The following PCDH11X variants were observed in gnomAD, a reference collection of about 807,000 sequenced individuals.
PCDH11X encodes protocadherin 11 X-linked, also known as protocadherin-11 X-linked.
In PCDH11X, 18 loss-of-function variants were observed where a neutral mutation model predicts 53.3. The observed-to-expected ratio is 0.34, with a 90% CI of 0.23 to 0.50. The LOEUF (loss-of-function observed/expected upper bound fraction) is 0.50. PCDH11X is among the 20% of genes least tolerant of loss of function. The probability of loss-of-function intolerance (pLI) is 0.98; values close to 1 mark genes in which losing one functional copy is unlikely to be tolerated. For synonymous variants in PCDH11X, 279 were observed against 393.3 expected, an observed-to-expected ratio of 0.71 and a Z score of 3.44; for missense variants, 570 against 1,032.4, an observed-to-expected ratio of 0.55 and a Z score of 6.14.
intron 6 of PCDH11X, among the ~76,000 whole-genome samples, chrX:92,077,608 AGAAGGAAGGAAGGGAG>A (rs1212304424): frequency 2.7e-4 from 24 of 88,918 alleles, no homozygotes; most frequent in Non-Finnish European, 5.1e-4. Context: ...GTTTCAAAAA[AGAAGGAAGGAAGGGAG>A]GAAGGAAGGA....
intron 5 of PCDH11X, among the ~76,000 whole-genome samples, chrX:91,837,901 C>A (rs1410563550): frequency 1.8e-5 from 2 of 111,460 alleles, no homozygotes; most frequent in Non-Finnish European, 3.8e-5. Flanking sequence ...TAATTAATTC[C>A]ATTTTAATTT....
intron 5 of PCDH11X, among the ~76,000 whole-genome samples, chrX:91,852,087 C>T (rs1938061728): frequency 9.9e-6 from 1 of 100,714 alleles, no homozygotes; most frequent in Non-Finnish European, 2.0e-5. Flanking sequence ...GATCTCGGCT[C>T]ACTACAACCT....
intron 4 of PCDH11X, among the ~76,000 whole-genome samples, chrX:91,811,938 C>A (rs1486723283): frequency 1.0e-5 from 1 of 96,283 alleles, no homozygotes; most frequent in East Asian, 3.2e-4. Context: ...GGCTATCCCC[C>A]CAAATCTCCA....
intron 1 of PCDH11X, among the ~76,000 whole-genome samples, chrX:91,785,211 TC>T (rs1356410832): frequency 2.0e-5 from 2 of 101,671 alleles, no homozygotes; most frequent in African/African-American, 7.3e-5. Flanking sequence ...TATTCCCTCC[TC>T]CCCCCCTCCT....
intron 6 of PCDH11X, among the ~76,000 whole-genome samples, chrX:92,015,279 G>A (rs1446133238): frequency 9.0e-6 from 1 of 111,393 alleles, no homozygotes; most frequent in Non-Finnish European, 1.9e-5. Flanking sequence ...CTTGATGTTG[G>A]CAATGGGGTA....
At chrX:92,188,498 G>T (rs957169293) in intron 6 of PCDH11X, among the ~76,000 whole-genome samples, 2 of 111,408 alleles carry the variant, frequency 1.8e-5, no homozygotes, top group Non-Finnish European at 3.8e-5. Flanking sequence ...GTACTATAAT[G>T]AAGGGAGTTC....
chrX:92,431,239 G>GTAGT lies in PCDH11X; in HGVS notation c.3344-37059_3344-37056dup, dbSNP rs201022224. On this transcript the variant is annotated intron_variant, in intron 9 of 10. Coordinates refer to ENST00000682573, the MANE Select transcript of PCDH11X (RefSeq NM_032968.5). Reference sequence around the variant, plus strand: ...AGAAAATGAATTGATATTTTGTGTGGTAGTAGTAATACATTTATGAAATTT... The same window carrying GTAGT: ...AGAAAATGAATTGATATTTTGTGTGGTAGTTAGTAGTAATACATTTATGAAATTT... 8.0e-3 allele frequency among the ~76,000 whole-genome samples: 882 copies of GTAGT among 110,632 alleles called. 8 individuals are homozygous for GTAGT. The highest frequency in any genetic ancestry group is 0.028 in the African/African-American group (844 of 30,658).
At chrX:92,152,033 C>G (rs1164685786) in intron 6 of PCDH11X, among the ~76,000 whole-genome samples, 1 of 85,143 alleles carries the variant, frequency 1.2e-5, no homozygotes, top group Non-Finnish European at 2.3e-5. Context: ...CTATGTTTGG[C>G]ACTTATATCT....
chrX:92,397,474 T>A (rs1219323061), intron 9 of PCDH11X, among the ~76,000 whole-genome samples: 1 of 110,302 alleles, frequency 9.1e-6, no homozygotes. Flanking sequence ...GTCAATTTTT[T>A]TTTTTTGGGT....
intron 6 of PCDH11X, among the ~76,000 whole-genome samples, chrX:92,119,636 A>C (rs1602978078): frequency 9.0e-6 from 1 of 111,526 alleles, no homozygotes. Context: ...TAGTAATAAA[A>C]CCTACAGTTT....
chrX:92,241,285 G>T (rs1389832799), intron 7 of PCDH11X, among the ~76,000 whole-genome samples: 1 of 111,707 alleles, frequency 9.0e-6, no homozygotes, highest in Non-Finnish European at 1.9e-5. Flanking sequence ...TTTTAAAAAT[G>T]TGAAGATATA....
chrX:91,902,682 A>G (rs1392246862), intron 6 of PCDH11X, among the ~76,000 whole-genome samples: 3 of 109,324 alleles, frequency 2.7e-5, no homozygotes, highest in Non-Finnish European at 5.7e-5. Flanking sequence ...TCACTGGTCC[A>G]TGGAACTTCA....
At chrX:91,919,651 T>G (rs1471380967) in intron 6 of PCDH11X, among the ~76,000 whole-genome samples, 1 of 111,295 alleles carries the variant, frequency 9.0e-6, no homozygotes, top group Non-Finnish European at 1.9e-5. Flanking sequence ...GAGAAAGAAA[T>G]AACCATTAGA....
chrX:92,291,689 A>G (rs1311315373), intron 8 of PCDH11X, among the ~76,000 whole-genome samples: 23 of 106,702 alleles, frequency 2.2e-4, no homozygotes, highest in Admixed American at 1.7e-3. Context: ...AACTAAAACT[A>G]TATGCTTACT....
chrX:92,527,605 T>G (rs2074479777), intron 10 of PCDH11X, among the ~76,000 whole-genome samples: 1 of 110,949 alleles, frequency 9.0e-6, no homozygotes, highest in East Asian at 2.8e-4. Context: ...TTATTTACTA[T>G]AATAAGCTAG....
At chrX:91,850,816 T>A (rs998928091) in intron 5 of PCDH11X, among the ~76,000 whole-genome samples, 4 of 110,110 alleles carry the variant, frequency 3.6e-5, no homozygotes, top group Non-Finnish European at 7.6e-5. Context: ...TTATTCAAAG[T>A]AGATCATAAA....
intron 6 of PCDH11X, among the ~76,000 whole-genome samples, chrX:92,008,524 G>A (rs1268383114): frequency 9.0e-6 from 1 of 110,744 alleles, no homozygotes; most frequent in African/African-American, 3.3e-5. Context: ...GGGAGTGGTA[G>A]CATCGGTAAT....
At chrX:92,460,727 C>T in intron 9 of PCDH11X, 5 of 1,075,280 alleles carry the variant, frequency 4.6e-6, no homozygotes, top group Non-Finnish European at 6.3e-6. Flanking sequence ...GGCAGAGAGA[C>T]AGTGCCAGGC....
At chrX:92,296,454 T>G (rs1388528038) in intron 8 of PCDH11X, among the ~76,000 whole-genome samples, 2 of 107,421 alleles carry the variant, frequency 1.9e-5, no homozygotes, top group South Asian at 4.5e-4. Context: ...TGTGTTCTTG[T>G]GTACTCAATA....
Sources: gnomAD v4.1 joint callset for allele counts (sites outside exome capture counted in the v4.1 genomes callset) on GRCh38, gnomAD v4.1.1 for gene constraint, MANE v1.5 for transcripts, NCBI Gene and HGNC (gene_info 2026-07-23, HGNC 2026-07-21) for gene names.